NOS1AP: variants seen among roughly 807,000 people sequenced by gnomAD.
NOS1AP encodes the protein carboxyl-terminal PDZ ligand of neuronal nitric oxide synthase protein.
Under a neutral mutation model 56.2 loss-of-function variants are expected in NOS1AP, and 21 were observed. That is an observed-to-expected ratio of 0.37 (90% CI 0.26 to 0.54). The LOEUF is 0.54. Among genes scored for constraint, NOS1AP ranks in the 20% least tolerant of loss-of-function variants. The pLI is 0.84. For missense variants in NOS1AP, 522 were observed against 657.8 expected (o/e 0.79, Z 2.26); for synonymous variants, 270 against 274.6 (o/e 0.98, Z 0.17).
At chr1:162,186,705 A>G (rs1259052030) in intron 2 of NOS1AP, among the ~76,000 whole-genome samples, 2 of 152,146 alleles carry the variant, frequency 1.3e-5, no homozygotes, top group African/African-American at 2.4e-5. Context: ...CCATTTGCAA[A>G]CCAAGAAGCA....
chr1:162,296,202 G>T (rs978958606), intron 3 of NOS1AP, among the ~76,000 whole-genome samples: 1 of 152,142 alleles, frequency 6.6e-6, no homozygotes, highest in Non-Finnish European at 1.5e-5. Context: ...CAGGAGAATC[G>T]CTTGAACCCA....
chr1:162,217,485 G>A (rs1159838775), intron 2 of NOS1AP, among the ~76,000 whole-genome samples: 4 of 151,800 alleles, frequency 2.6e-5, no homozygotes, highest in African/African-American at 7.3e-5. Flanking sequence ...GGCTGGTCTC[G>A]AACTCCTGGC....
chr1:162,128,287 A>G (rs894946152), intron 1 of NOS1AP, among the ~76,000 whole-genome samples: 2 of 152,160 alleles, frequency 1.3e-5, no homozygotes, highest in Non-Finnish European at 2.9e-5. Flanking sequence ...TTTCTCCACT[A>G]AATGAAAATA....
chr1:162,134,363 T>C (rs5011030), intron 1 of NOS1AP, among the ~76,000 whole-genome samples: 20,460 of 151,418 alleles, frequency 0.14, 1,738 homozygotes, highest in African/African-American at 0.24. Flanking sequence ...GAGGTGCATA[T>C]GTAATTCCAG....
intron 1 of NOS1AP, among the ~76,000 whole-genome samples, chr1:162,094,745 A>C (rs1484981864): frequency 2.0e-5 from 3 of 152,192 alleles, no homozygotes; most frequent in Non-Finnish European, 4.4e-5. Context: ...TTTAGGATTG[A>C]GCAGAGAGGA....
Position 162,276,287 on chromosome 1 carries a change from C to T in NOS1AP, c.178-11057C>T, listed in dbSNP as rs148615580. Among the ~76,000 whole-genome samples, 66 of 152,152 alleles carry T rather than the reference C, an allele frequency of 4.3e-4. 2 individuals carry two copies. Among genetic ancestry groups the T allele is most frequent in the Admixed American group, 3.9e-3 (59 of 15,280 alleles). On this transcript the variant is annotated intron_variant, in intron 2 of 9. Coordinates refer to ENST00000361897, the MANE Select transcript of NOS1AP (RefSeq NM_014697.3). ...TCATTTGTTGTCATAGAAATTTGGA[C>T]GACGTAATGTCTGGTGCAGCTTTGG...
chr1:162,212,464 A>G (rs1319452999), intron 2 of NOS1AP, among the ~76,000 whole-genome samples: 1 of 152,104 alleles, frequency 6.6e-6, no homozygotes, highest in East Asian at 1.9e-4. Flanking sequence ...ACAAATCCAC[A>G]TTGACACTCA....
intron 2 of NOS1AP, among the ~76,000 whole-genome samples, chr1:162,169,841 A>G (rs1650678397): frequency 6.6e-6 from 1 of 152,140 alleles, no homozygotes; most frequent in African/African-American, 2.4e-5. Flanking sequence ...TATGATTGCC[A>G]TGCAGAAACC....
chr1:162,128,553 T>C (rs1055858672), intron 1 of NOS1AP, among the ~76,000 whole-genome samples: 16 of 152,218 alleles, frequency 1.1e-4, no homozygotes, highest in Non-Finnish European at 2.9e-5. Flanking sequence ...TTCTTCATCA[T>C]TATTCAACAC....
intron 2 of NOS1AP, among the ~76,000 whole-genome samples, chr1:162,225,294 T>C (rs1652904925): frequency 6.6e-6 from 1 of 152,182 alleles, no homozygotes; most frequent in Non-Finnish European, 1.5e-5. Flanking sequence ...TGTGGGGCAG[T>C]GTGCCTTCTG....
chr1:162,124,687 A>G (rs1467021936), intron 1 of NOS1AP, among the ~76,000 whole-genome samples: 1 of 151,982 alleles, frequency 6.6e-6, no homozygotes, highest in East Asian at 1.9e-4. Flanking sequence ...GCGCCCAGCT[A>G]ATTTTTTGTA....
intron 2 of NOS1AP, among the ~76,000 whole-genome samples, chr1:162,155,204 A>G (rs1489479619): frequency 6.7e-6 from 1 of 150,368 alleles, no homozygotes; most frequent in Non-Finnish European, 1.5e-5. Flanking sequence ...TTGAGTCCAT[A>G]CACAGTGTGA....
chr1:162,366,286 A>G (rs1488115735), intron 9 of NOS1AP, among the ~76,000 whole-genome samples: 2 of 152,194 alleles, frequency 1.3e-5, no homozygotes, highest in Non-Finnish European at 2.9e-5. Context: ...ATATTGTGCC[A>G]GAAACTGTGA....
intron 2 of NOS1AP, among the ~76,000 whole-genome samples, chr1:162,246,307 G>A (rs912319509): frequency 6.6e-6 from 1 of 152,154 alleles, no homozygotes; most frequent in Admixed American, 6.6e-5. Flanking sequence ...GTCCAGTGAA[G>A]AGAAAGACAA....
intron 6 of NOS1AP, among the ~76,000 whole-genome samples, chr1:162,347,030 A>G (rs1263914696): frequency 2.0e-5 from 3 of 152,204 alleles, no homozygotes; most frequent in Admixed American, 6.5e-5. Context: ...CGAATATTTT[A>G]TATATCTCTG....
intron 1 of NOS1AP, among the ~76,000 whole-genome samples, chr1:162,114,490 T>C (rs1180419895): frequency 6.6e-6 from 1 of 152,188 alleles, no homozygotes; most frequent in African/African-American, 2.4e-5. Flanking sequence ...CAGCTAATTA[T>C]GGGCCTTAAT....
chr1:162,313,963 G>T (rs1309138969), intron 4 of NOS1AP, among the ~76,000 whole-genome samples: 1 of 152,168 alleles, frequency 6.6e-6, no homozygotes. Context: ...TGGGGACCAT[G>T]CATGTTTTAC....
chr1:162,243,136 C>A (rs1456215577), intron 2 of NOS1AP, among the ~76,000 whole-genome samples: 1 of 152,106 alleles, frequency 6.6e-6, no homozygotes, highest in African/African-American at 2.4e-5. Context: ...GGAGTGATAT[C>A]CTGATTGAAG....
intron 3 of NOS1AP, among the ~76,000 whole-genome samples, chr1:162,295,969 G>A (rs1655444278): frequency 1.3e-5 from 2 of 152,150 alleles, no homozygotes; most frequent in South Asian, 2.1e-4. Flanking sequence ...CTATCATTCA[G>A]GCTGTGAGGA....
Sources: gnomAD v4.1 joint callset for allele counts (sites outside exome capture counted in the v4.1 genomes callset) on GRCh38, gnomAD v4.1.1 for gene constraint, MANE v1.5 for transcripts, NCBI Gene and HGNC (gene_info 2026-07-23, HGNC 2026-07-21) for gene names.